The following NOS1AP variants were observed in gnomAD, a reference collection of about 807,000 sequenced individuals.
The protein encoded by NOS1AP is carboxyl-terminal PDZ ligand of neuronal nitric oxide synthase protein.
A neutral mutation model predicts 56.2 loss-of-function variants in NOS1AP; 21 were observed. The observed-to-expected ratio is 0.37, with a 90% CI of 0.26 to 0.54. NOS1AP has a LOEUF of 0.54. NOS1AP is among the 20% of genes least tolerant of loss of function. The pLI is 0.84. For missense variants in NOS1AP, 522 were observed against 657.8 expected, an observed-to-expected ratio of 0.79 and a Z score of 2.26; for synonymous variants, 270 against 274.6, an observed-to-expected ratio of 0.98 and a Z score of 0.17.
At chr1:162,351,002 C>T (rs1226358911) in intron 6 of NOS1AP, among the ~76,000 whole-genome samples, 1 of 152,192 alleles carries the variant, frequency 6.6e-6, no homozygotes, top group Admixed American at 6.5e-5. Flanking sequence ...TTCATGTACA[C>T]AAATGTTGTT....
chr1:162,286,607 G>A (rs11576432), intron 2 of NOS1AP, among the ~76,000 whole-genome samples: 1 of 152,164 alleles, frequency 6.6e-6, no homozygotes, highest in East Asian at 1.9e-4. Context: ...TGAGGATGAC[G>A]CCAACATCCA....
intron 1 of NOS1AP, among the ~76,000 whole-genome samples, chr1:162,149,243 C>T (rs911688449): frequency 6.6e-6 from 1 of 152,184 alleles, no homozygotes; most frequent in Non-Finnish European, 1.5e-5. Context: ...ATTGGTGTTG[C>T]CTGACCCCTG....
At chr1:162,295,302 C>G (rs1024359166) in intron 3 of NOS1AP, among the ~76,000 whole-genome samples, 1 of 152,148 alleles carries the variant, frequency 6.6e-6, no homozygotes, top group African/African-American at 2.4e-5. Flanking sequence ...TGAAATTTCC[C>G]TCACACAGCT....
intron 2 of NOS1AP, among the ~76,000 whole-genome samples, chr1:162,206,214 G>C (rs1010850510): frequency 6.6e-6 from 1 of 152,022 alleles, no homozygotes; most frequent in Non-Finnish European, 1.5e-5. Flanking sequence ...GGGAGCTCTG[G>C]AAAGGAAAAT....
At chr1:162,359,833 C>T (rs2101824409) in intron 8 of NOS1AP, among the ~76,000 whole-genome samples, 1 of 152,256 alleles carries the variant, frequency 6.6e-6, no homozygotes, top group East Asian at 1.9e-4. Flanking sequence ...TACCAGCAGT[C>T]CCCAGAATTC....
chr1:162,343,524 A>G (rs542788744), intron 5 of NOS1AP, among the ~76,000 whole-genome samples: 1 of 152,326 alleles, frequency 6.6e-6, no homozygotes, highest in East Asian at 1.9e-4. Flanking sequence ...ACATTTTATC[A>G]TGGCTGGCAA....
At chr1:162,082,248 A>G (rs553667277) in intron 1 of NOS1AP, among the ~76,000 whole-genome samples, 1 of 152,076 alleles carries the variant, frequency 6.6e-6, no homozygotes, top group South Asian at 2.1e-4. Context: ...AGCTCCATCT[A>G]TGTCCCTGCA....
chr1:162,366,923 G>T (rs1658104913), intron 9 of NOS1AP, 129 bp from the exon 10 acceptor site: 3 of 1,026,742 alleles, frequency 2.9e-6, no homozygotes, highest in Admixed American at 3.4e-5. Context: ...GAGACCCAAA[G>T]CCCGGAGAGG....
chr1:162,198,429 A>G (rs1337673399), intron 2 of NOS1AP, among the ~76,000 whole-genome samples: 7 of 152,164 alleles, frequency 4.6e-5, no homozygotes. Flanking sequence ...CTGCAGTGGC[A>G]AGATTCAATC....
intron 2 of NOS1AP, among the ~76,000 whole-genome samples, chr1:162,252,844 C>A (rs1653910860): frequency 6.6e-6 from 1 of 151,998 alleles, no homozygotes; most frequent in Admixed American, 6.6e-5. Context: ...TTGCACTTGC[C>A]CCATTTCAAG....
intron 1 of NOS1AP, among the ~76,000 whole-genome samples, chr1:162,107,288 G>C (rs2102037049): frequency 6.6e-6 from 1 of 152,260 alleles, no homozygotes; most frequent in Non-Finnish European, 1.5e-5. Context: ...AACCATTTCT[G>C]AATATACTTT....
intron 1 of NOS1AP, among the ~76,000 whole-genome samples, chr1:162,088,517 G>A (rs1331245126): frequency 3.3e-5 from 5 of 152,146 alleles, no homozygotes; most frequent in African/African-American, 1.2e-4. Flanking sequence ...GATTTATGAG[G>A]CCAGAATTTC....
In NOS1AP at chr1:162,280,797, G is replaced by A. The variant is rs74981648; in HGVS notation, c.178-6547G>A. ...AGTCATGCTGGGATTGAGGTAGGTAGATGGGAAATAAATGTCTCTACCCAG... is the reference window on the plus strand; with the variant it reads ...AGTCATGCTGGGATTGAGGTAGGTAAATGGGAAATAAATGTCTCTACCCAG... On this transcript the variant is annotated intron_variant, in intron 2 of 9. Transcript: ENST00000361897. 5.3e-3 allele frequency among the ~76,000 whole-genome samples: 810 copies of A among 152,308 alleles called. 10 individuals carry two copies. Among genetic ancestry groups the A allele is most frequent in the African/African-American group, 0.018 (763 of 41,562 alleles).
chr1:162,106,084 C>T (rs2102035968), intron 1 of NOS1AP, among the ~76,000 whole-genome samples: 1 of 152,330 alleles, frequency 6.6e-6, no homozygotes, highest in Admixed American at 6.5e-5. Flanking sequence ...TTCCACACAG[C>T]TCTCTGTATT....
chr1:162,075,706 G>A (rs1691752044), intron 1 of NOS1AP, among the ~76,000 whole-genome samples: 1 of 152,106 alleles, frequency 6.6e-6, no homozygotes, highest in East Asian at 1.9e-4. Flanking sequence ...TCATTAAGGA[G>A]GAGACGTAGT....
chr1:162,222,274 C>T (rs539242653), intron 2 of NOS1AP, among the ~76,000 whole-genome samples: 3 of 152,314 alleles, frequency 2.0e-5, no homozygotes, highest in African/African-American at 7.2e-5. Flanking sequence ...TGGCAGTATA[C>T]AAGGAGCACA....
intron 4 of NOS1AP, among the ~76,000 whole-genome samples, chr1:162,302,812 T>C (rs2819312): frequency 0.99 from 150,588 of 152,334 alleles, 74,451 homozygotes; most frequent in Middle Eastern, 1. Context: ...TCTCCCACTT[T>C]TTCCCCAATC....
chr1:162,104,089 C>A (rs2102034264), intron 1 of NOS1AP, among the ~76,000 whole-genome samples: 1 of 152,282 alleles, frequency 6.6e-6, no homozygotes, highest in East Asian at 1.9e-4. Context: ...GGAGCTCTTG[C>A]AAGGTAGGTC....
At chr1:162,123,351 T>A (rs1204692175) in intron 1 of NOS1AP, among the ~76,000 whole-genome samples, 1 of 152,132 alleles carries the variant, frequency 6.6e-6, no homozygotes, top group Admixed American at 6.5e-5. Flanking sequence ...TTTTGTGTTT[T>A]TAGTAGAGAT....
Sources: allele counts gnomAD v4.1 joint callset (sites outside exome capture counted in the v4.1 genomes callset), GRCh38; gene constraint gnomAD v4.1.1; transcripts MANE v1.5; gene names NCBI Gene and HGNC (gene_info 2026-07-23, HGNC 2026-07-21).